The following LRGUK variants were observed in gnomAD, a reference collection of about 807,000 sequenced individuals.
LRGUK encodes the protein leucine rich repeats and guanylate kinase domain containing, also known as leucine-rich repeat and guanylate kinase domain-containing protein.
Under a neutral mutation model 76.0 loss-of-function variants are expected in LRGUK, and 65 were observed. That is an observed-to-expected ratio of 0.85 (90% CI 0.70 to 1.05). The LOEUF (loss-of-function observed/expected upper bound fraction) is 1.05. Ranked by LOEUF, LRGUK falls within the 50% of genes least tolerant of loss-of-function variation. The pLI is 0.00. For missense variants in LRGUK, 758 were observed against 732.8 expected (o/e 1.03, Z -0.40); for synonymous variants, 268 against 265.6 (o/e 1.01, Z -0.09).
At chr7:134,183,366 G>A (rs1799840649) in intron 10 of LRGUK, among the ~76,000 whole-genome samples, 2 of 152,234 alleles carry the variant, frequency 1.3e-5, no homozygotes, top group East Asian at 3.9e-4. Context: ...TAATTCAGTA[G>A]TTATAAATAT....
intron 11 of LRGUK, among the ~76,000 whole-genome samples, chr7:134,188,128 C>T (rs1800051578): frequency 6.6e-6 from 1 of 152,166 alleles, no homozygotes; most frequent in Admixed American, 6.5e-5. Context: ...AATGAACAGG[C>T]ATGGTTCTTC....
At chr7:134,171,135 C>CT (rs34034602) in intron 7 of LRGUK, among the ~76,000 whole-genome samples, 12 of 147,218 alleles carry the variant, frequency 8.2e-5, no homozygotes, top group Admixed American at 2.0e-4. Context: ...GTCAAGCAAT[C>CT]TTTTTTTTTT....
chr7:134,208,507 G>T (rs1452446130), intron 15 of LRGUK, among the ~76,000 whole-genome samples: 2 of 152,102 alleles, frequency 1.3e-5, no homozygotes, highest in Non-Finnish European at 2.9e-5. Context: ...GACTAAAATT[G>T]TTCTAAGTTC....
intron 1 of LRGUK, among the ~76,000 whole-genome samples, chr7:134,131,021 C>T (rs1323305953): frequency 6.6e-6 from 1 of 152,210 alleles, no homozygotes; most frequent in African/African-American, 2.4e-5. Context: ...CTGCTAACTA[C>T]AGCCCATTAA....
At chr7:134,236,895 C>T (rs1802029172) in intron 16 of LRGUK, among the ~76,000 whole-genome samples, 1 of 152,068 alleles carries the variant, frequency 6.6e-6, no homozygotes, top group African/African-American at 2.4e-5. Context: ...TTGTTCAATA[C>T]CTAGTTCAAT....
intron 15 of LRGUK, among the ~76,000 whole-genome samples, chr7:134,215,673 C>T (rs190630531): frequency 1.3e-5 from 2 of 152,004 alleles, no homozygotes; most frequent in East Asian, 1.9e-4. Flanking sequence ...ATGACAAGCC[C>T]GAAAATCATC....
At chr7:134,139,313 C>G in intron 2 of LRGUK, 123 bp from the exon 3 acceptor site, 1 of 624,094 alleles carries the variant, frequency 1.6e-6, no homozygotes, top group Non-Finnish European at 2.8e-6. Flanking sequence ...AGATTTTGTT[C>G]TCTCTCTTCT....
At chr7:134,237,382 C>T (rs549473880) in intron 16 of LRGUK, among the ~76,000 whole-genome samples, 2 of 152,178 alleles carry the variant, frequency 1.3e-5, no homozygotes, top group South Asian at 4.1e-4. Context: ...TGAATTGGCT[C>T]CCTTTTATTC....
intron 7 of LRGUK, among the ~76,000 whole-genome samples, chr7:134,174,269 T>C (rs1343818073): frequency 6.6e-6 from 1 of 152,176 alleles, no homozygotes; most frequent in Non-Finnish European, 1.5e-5. Flanking sequence ...CTTTGAATGC[T>C]ATTTTATTTC....
exon 7 of LRGUK, chr7:134,163,530 A>G: frequency 6.2e-7 from 1 of 1,611,554 alleles, no homozygotes; most frequent in South Asian, 1.1e-5. Context: ...ATCAACCTGG[A>G]GGATAATAAG....
intron 10 of LRGUK, among the ~76,000 whole-genome samples, chr7:134,182,406 C>T (rs1357428357): frequency 6.6e-6 from 1 of 152,180 alleles, no homozygotes; most frequent in Non-Finnish European, 1.5e-5. Context: ...GCTCTCAGAT[C>T]TGTCAGATGC....
the LRGUK span, among the ~76,000 whole-genome samples, chr7:134,271,173 A>G: frequency 6.6e-6 from 1 of 151,942 alleles, no homozygotes; most frequent in East Asian, 1.9e-4. Context: ...TCTTTTTCTT[A>G]TTGGTTTGAT....
At chr7:134,234,498 A>C (rs961042426) in intron 16 of LRGUK, among the ~76,000 whole-genome samples, 8 of 152,152 alleles carry the variant, frequency 5.3e-5, no homozygotes, top group African/African-American at 9.7e-5. Context: ...GTTGTTTCCA[A>C]CTGGTAGGTG....
intron 16 of LRGUK, among the ~76,000 whole-genome samples, chr7:134,236,409 A>G (rs1250053613): frequency 1.3e-5 from 2 of 152,206 alleles, no homozygotes; most frequent in African/African-American, 4.8e-5. Context: ...CAGGTTCTCC[A>G]CCCAGCCTTT....
chr7:134,190,841 G>A lies in LRGUK; in HGVS notation c.1335-814G>A, dbSNP rs183601194. On this transcript the variant is annotated intron_variant, in intron 11 of 15. Transcript: ENST00000645682. ...CCCTTTAGGATTCATATGTTCTGCT[G>A]GGAAAGATAGGAAAAAAACAGATAA... is the stretch of plus-strand genomic sequence containing the variant. Among the ~76,000 whole-genome samples, 437 of 49,216 alleles carry A rather than the reference G, an allele frequency of 8.9e-3. 1 individual carries two copies. The highest frequency in any genetic ancestry group is 0.016 in the Non-Finnish European group (330 of 20,106). The allele number at this position is 49,216 out of a possible 152,430, so 32.3% of individuals were successfully genotyped here. A position where few individuals can be genotyped will look rare whatever the true frequency, so the allele number is the denominator to read the frequency against.
intron 14 of LRGUK, among the ~76,000 whole-genome samples, chr7:134,200,317 G>A (rs748349244): frequency 2.0e-5 from 3 of 151,722 alleles, no homozygotes; most frequent in East Asian, 1.9e-4. Context: ...GATTACAGGC[G>A]TGAGCCACCG....
chr7:134,178,669 C>T (rs1799593332), intron 10 of LRGUK, 60 bp downstream of exon 10: 1 of 1,329,140 alleles, frequency 7.5e-7, no homozygotes. Context: ...ACAGCCTCAT[C>T]ACTTCCCCTA....
intron 8 of LRGUK, among the ~76,000 whole-genome samples, chr7:134,175,364 A>C (rs1267752323): frequency 6.6e-6 from 1 of 152,170 alleles, no homozygotes. Flanking sequence ...ATCTTGATGA[A>C]CATGTCTAGA....
At chr7:134,198,855 C>G (rs1800628956) in intron 13 of LRGUK, among the ~76,000 whole-genome samples, 1 of 152,214 alleles carries the variant, frequency 6.6e-6, no homozygotes, top group South Asian at 2.1e-4. Context: ...TGGTGCTCCA[C>G]AGAACCCTTT....
Sources: allele counts gnomAD v4.1 joint callset (sites outside exome capture counted in the v4.1 genomes callset), GRCh38; gene constraint gnomAD v4.1.1; transcripts MANE v1.5; gene names NCBI Gene and HGNC (gene_info 2026-07-23, HGNC 2026-07-21).